The following USP9X variants were observed in gnomAD, a reference collection of about 807,000 sequenced individuals.
USP9X encodes the protein ubiquitin specific peptidase 9 X-linked, also known as ubiquitin carboxyl-terminal hydrolase 9X.
Under a neutral mutation model 190.3 loss-of-function variants are expected in USP9X, and 7 were observed. That is an observed-to-expected ratio of 0.04 (90% CI 0.02 to 0.07). The LOEUF (loss-of-function observed/expected upper bound fraction) is 0.07. USP9X is among the 10% of genes least tolerant of loss of function. The probability of loss-of-function intolerance (pLI) is 1.00; values close to 1 mark genes in which losing one functional copy is unlikely to be tolerated. For synonymous variants in USP9X, 645 were observed against 659.5 expected (o/e 0.98, Z 0.34); for missense variants, 1,010 against 1,916.9 (o/e 0.53, Z 8.83).
chrX:41,151,909 A>T (rs906932916), intron 13 of USP9X, among the ~76,000 whole-genome samples: 1 of 112,576 alleles, frequency 8.9e-6, no homozygotes, highest in Non-Finnish European at 1.9e-5. Context: ...TGAGCCCGGG[A>T]GGCAGAGGTT....
At chrX:41,188,559 T>G (rs942459403) in intron 25 of USP9X, among the ~76,000 whole-genome samples, 1 of 112,199 alleles carries the variant, frequency 8.9e-6, no homozygotes, top group Non-Finnish European at 1.9e-5. Context: ...TTAAGCAAAT[T>G]ATCTACAGAA....
intron 14 of USP9X, among the ~76,000 whole-genome samples, chrX:41,159,372 A>G (rs1166659571): frequency 9.0e-6 from 1 of 111,636 alleles, no homozygotes; most frequent in East Asian, 2.8e-4. Context: ...CCCACCTTGC[A>G]AAATATTAAT....
chrX:41,090,166 C>G (rs897897507), intron 1 of USP9X, among the ~76,000 whole-genome samples: 5 of 109,065 alleles, frequency 4.6e-5, no homozygotes, highest in African/African-American at 1.7e-4. Flanking sequence ...CTGGGCCTCC[C>G]GAAGTGTTAG....
chrX:41,126,130 T>TG (rs2062248555), intron 2 of USP9X, among the ~76,000 whole-genome samples: 1 of 112,246 alleles, frequency 8.9e-6, no homozygotes, highest in African/African-American at 3.2e-5. Context: ...AGAAAAGAGC[T>TG]TCTGTCTGTC....
At chrX:41,100,774 GTAGCTGGGAT>G (rs1679675398) in intron 1 of USP9X, among the ~76,000 whole-genome samples, 2 of 111,016 alleles carry the variant, frequency 1.8e-5, no homozygotes, top group African/African-American at 3.3e-5. Flanking sequence ...AGCCTCCTCA[GTAGCTGGGAT>G]TACTGGTGCC....
rs895512291 is a variant in USP9X at position 41,123,452 on chromosome X, T to C, written c.-158-19T>C. On this transcript the variant is annotated intron_variant, in intron 1 of 44. Transcript: ENST00000378308. ...TTTTATATCTAAAACCAATTACTTT[T>C]TCCCCTTTCTATTTGTAGGTTATGC... 1 of 426,382 alleles carries C rather than the reference T, an allele frequency of 2.3e-6. No individual in the cohort carries two copies. Among genetic ancestry groups the C allele is most frequent in the Non-Finnish European group, 4.1e-6 (1 of 241,849 alleles). 35.1% of individuals were successfully genotyped at this position (426,382 alleles called of 1,213,427 possible).
At chrX:41,185,115 A>C (rs1421245010) in intron 23 of USP9X, among the ~76,000 whole-genome samples, 9 of 112,312 alleles carry the variant, frequency 8.0e-5, no homozygotes, top group South Asian at 3.6e-4. Context: ...AAAATTCTCA[A>C]GACATGCCAG....
At position 41,166,055 on chromosome X, in the gene USP9X, T is replaced by C. The variant is rs774712412; in HGVS notation, c.2169T>C (p.Asn723=). 4.7e-5 allele frequency: 57 copies of C among 1,209,785 alleles called. No individual in the cohort carries two copies. The highest frequency in any genetic ancestry group is 3.4e-6 in the Non-Finnish European group (3 of 895,225). ...TTAATAAGGACTTCTTTGAAAGTAA[T>C]GTGCTTCAGCTTGATCCTTCTCTGT... ...PDINKDFFES[N]VLQLDPSLLT... The change falls in exon 16 of 45, where the codon AAT becomes AAC. Residue 723 remains asparagine, a synonymous_variant. Coordinates refer to ENST00000378308, the MANE Select transcript of USP9X (RefSeq NM_001039591.3).
intron 2 of USP9X, among the ~76,000 whole-genome samples, chrX:41,127,329 G>A (rs1052494900): frequency 9.0e-6 from 1 of 111,375 alleles, no homozygotes; most frequent in Admixed American, 9.5e-5. Flanking sequence ...AATGGAAAAG[G>A]ACAGAGACTT....
chrX:41,181,768 A>T (rs1048408073), intron 21 of USP9X, among the ~76,000 whole-genome samples: 9 of 109,876 alleles, frequency 8.2e-5, no homozygotes. Flanking sequence ...CTTATTTTGA[A>T]AATTTTTTTG....
chrX:41,138,893 G>A (rs1421148337), intron 6 of USP9X, among the ~76,000 whole-genome samples: 3 of 112,661 alleles, frequency 2.7e-5, no homozygotes. Context: ...TTTCTATTTA[G>A]GGCGACTGAT....
intron 1 of USP9X, among the ~76,000 whole-genome samples, chrX:41,101,092 T>C (rs753655434): frequency 6.4e-4 from 72 of 112,164 alleles, no homozygotes; most frequent in Middle Eastern, 4.6e-3. Context: ...TGAATTTAAA[T>C]ATTTTCGTCT....
chrX:41,183,754 C>T (rs1486575391), intron 21 of USP9X, among the ~76,000 whole-genome samples: 2 of 111,226 alleles, frequency 1.8e-5, no homozygotes, highest in African/African-American at 6.5e-5. Context: ...TTTGAGGTCC[C>T]TGAGTAGCAG....
chrX:41,107,613 G>A (rs920152802), intron 1 of USP9X, among the ~76,000 whole-genome samples: 5 of 112,037 alleles, frequency 4.5e-5, no homozygotes, highest in African/African-American at 1.6e-4. Context: ...TTCTTCAAAT[G>A]TCTTTTCTGT....
chrX:41,193,411 C>G (rs2062954509), intron 26 of USP9X, among the ~76,000 whole-genome samples: 1 of 111,470 alleles, frequency 9.0e-6, no homozygotes, highest in East Asian at 2.8e-4. Flanking sequence ...GGTTGTAATC[C>G]CAGCACTTTG....
intron 38 of USP9X, among the ~76,000 whole-genome samples, chrX:41,221,424 T>C (rs1489099499): frequency 9.0e-6 from 1 of 111,462 alleles, no homozygotes; most frequent in Non-Finnish European, 1.9e-5. Flanking sequence ...TTAATAGCTA[T>C]AATAGGGAAA....
chrX:41,093,170 C>T (rs2061966169), intron 1 of USP9X, among the ~76,000 whole-genome samples: 1 of 111,765 alleles, frequency 8.9e-6, no homozygotes, highest in African/African-American at 3.3e-5. Flanking sequence ...GCTTGACCTC[C>T]TATTTGATAC....
chrX:41,196,397 T>C (rs1025906856), intron 27 of USP9X, 38 bp downstream of exon 27: 4 of 1,176,135 alleles, frequency 3.4e-6, no homozygotes, highest in Non-Finnish European at 4.6e-6. Flanking sequence ...ATGTGATTCA[T>C]TCTTTAAGCA....
At chrX:41,096,729 C>T (rs959373983) in intron 1 of USP9X, among the ~76,000 whole-genome samples, 11 of 111,889 alleles carry the variant, frequency 9.8e-5, no homozygotes, top group Admixed American at 2.9e-4. Flanking sequence ...CATGAGCCAC[C>T]GCGCCTGGTC....
Sources: gnomAD v4.1 joint callset for allele counts (sites outside exome capture counted in the v4.1 genomes callset) on GRCh38, gnomAD v4.1.1 for gene constraint, MANE v1.5 for transcripts, NCBI Gene and HGNC (gene_info 2026-07-23, HGNC 2026-07-21) for gene names.